Variants in ABCA6 observed in about 807,000 individuals in gnomAD.
The protein encoded by ABCA6 is ATP binding cassette subfamily A member 6.
A neutral mutation model predicts 191.2 loss-of-function variants in ABCA6; 164 were observed. The ratio of observed to expected loss-of-function variants is 0.86; its 90% CI spans 0.76 to 0.98. The LOEUF is 0.98. ABCA6 is among the 50% of genes least tolerant of loss of function. ABCA6 has a pLI of 0.00. For missense variants in ABCA6, 1,958 were observed against 1,894.1 expected (o/e 1.03, Z -0.63); for synonymous variants, 636 against 647.7 (o/e 0.98, Z 0.27).
At chr17:69,085,763 C>A in intron 30 of ABCA6, 47 bp from the exon 31 acceptor site, 1 of 1,287,416 alleles carries the variant, frequency 7.8e-7, no homozygotes, top group Non-Finnish European at 1.1e-6. Flanking sequence ...AAATACTGAA[C>A]AACATAAACC....
At chr17:69,141,394 A>G (rs1246232765) in intron 1 of ABCA6, among the ~76,000 whole-genome samples, 2 of 152,032 alleles carry the variant, frequency 1.3e-5, no homozygotes, top group Non-Finnish European at 2.9e-5. Flanking sequence ...TTAGCTTTAA[A>G]AGAAGCAAAA....
chr17:69,114,900 C>T lies in ABCA6; in HGVS notation c.1644G>A (p.Met548Ile), dbSNP rs369607657. 6.3e-5 allele frequency: 101 copies of T among 1,611,474 alleles called. 1 individual carries two copies. In the Middle Eastern group the frequency reaches 3.8e-3, roughly 61 times the overall value. ...VTIYNKNLSEMQDLEEIRKIT... is the reference protein window; with the variant it reads ...VTIYNKNLSEIQDLEEIRKIT... ...TCTTTCTGATTTCCTCCAAGTCTTG[C>T]ATTTCAGAGAGATTTTTATTATAGA... The change falls in exon 13 of 39, where the codon ATG (methionine) becomes ATA (isoleucine). Residue 548 changes from methionine (M) to isoleucine (I), a missense_variant. Physicochemically the swap from Met to Ile is conservative, Grantham distance 10 (BLOSUM62 1). Transcript: ENST00000284425.
At chr17:69,139,889 T>C (rs1418727917) in intron 2 of ABCA6, among the ~76,000 whole-genome samples, 1 of 144,814 alleles carries the variant, frequency 6.9e-6, no homozygotes, top group East Asian at 2.0e-4. Context: ...TAGATGGCAA[T>C]TGAACAATGA....
chr17:69,128,339 G>C lies in ABCA6; in HGVS notation c.1119+280C>G, dbSNP rs532540812. 1.6e-4 allele frequency among the ~76,000 whole-genome samples: 24 copies of C among 151,890 alleles called. 1 individual carries two copies. In the East Asian group the frequency reaches 4.1e-3, roughly 26 times the overall value. Reference sequence around the variant, plus strand: ...ATATTTTCATTATGTTAAATGAATAGTAATAAAAGTAAATATTTGTATATA... The same window carrying C: ...ATATTTTCATTATGTTAAATGAATACTAATAAAAGTAAATATTTGTATATA... On this transcript the variant is annotated intron_variant, in intron 8 of 38. Coordinates refer to ENST00000284425, the MANE Select transcript of ABCA6 (RefSeq NM_080284.3).
Position 69,129,699 on chromosome 17 carries a change from C to T in ABCA6, c.844G>A (p.Val282Ile), listed in dbSNP as rs4968839. The change falls in exon 7 of 39, where the codon GTT becomes ATT. Residue 282 changes from valine to isoleucine, a missense_variant. Coordinates refer to ENST00000284425, the MANE Select transcript of ABCA6 (RefSeq NM_080284.3). Reference protein sequence around the residue: ...AGFIFIISIFVTIIITFTQII... With the variant: ...AGFIFIISIFITIIITFTQII... ...TGGGTGAATGTTATGATAATTGTAA[C>T]GAATATGGAAATAATAAAGATGAAG... 1,082,506 of 1,600,192 alleles carry T rather than the reference C, an allele frequency of 0.68. 371,833 individuals carry two copies. The highest frequency in any genetic ancestry group is 0.73 in the Admixed American group (43,217 of 59,480).
In ABCA6 at chr17:69,096,225, G is replaced by A. The variant is rs772207876; in HGVS notation, c.3408+15C>T. The A allele has an allele frequency of 1.7e-5, 22 of 1,264,618 alleles. No individual in the cohort carries two copies. The highest frequency in any genetic ancestry group is 2.4e-5 in the Non-Finnish European group (22 of 920,628). The allele number at this position is 1,264,618 out of a possible 1,614,324, so 78.3% of individuals were successfully genotyped here. ...AATAACACTATTTCTCTATTTGTAT[G>A]TATTATATACTTACAAAAAAGAAGT... On this transcript the variant is annotated intron_variant, in intron 25 of 38. Coordinates refer to ENST00000284425, the MANE Select transcript of ABCA6 (RefSeq NM_080284.3).
intron 34 of ABCA6, among the ~76,000 whole-genome samples, chr17:69,083,803 C>T (rs2072700988): frequency 6.6e-6 from 1 of 151,816 alleles, no homozygotes; most frequent in Non-Finnish European, 1.5e-5. Context: ...TTTTATTATT[C>T]CAAAGGGTAA....
At position 69,134,717 on chromosome 17, in the gene ABCA6, C is replaced by T. The variant is rs766181076; in HGVS notation, c.486G>A (p.Glu162=). The T allele has an allele frequency of 1.9e-6, 3 of 1,613,642 alleles. No individual in the cohort carries two copies. The highest frequency in any genetic ancestry group is 2.5e-6 in the Non-Finnish European group (3 of 1,179,834). Residue 162 remains glutamate, a synonymous_variant, in exon 5 of 39, where the codon GAG becomes GAA. Transcript: ENST00000284425. The part of the protein sequence containing the change: ...FSAHCWDGYG[E]FSCTLTKYWN... Reference sequence around the variant, plus strand: ...AGTATTTGGTCAATGTACATGAAAACTCACCATATCCATCCCAGCAATGAG... The same window carrying T: ...AGTATTTGGTCAATGTACATGAAAATTCACCATATCCATCCCAGCAATGAG...
intron 3 of ABCA6, 35 bp from the exon 4 acceptor site, chr17:69,136,285 T>C: frequency 2.8e-6 from 4 of 1,427,690 alleles, no homozygotes; most frequent in Non-Finnish European, 3.7e-6. Context: ...ACATAGAAAA[T>C]TGTAAGAGTT....
intron 20 of ABCA6, chr17:69,105,244 G>A (rs987133599): frequency 1.9e-6 from 1 of 525,796 alleles, no homozygotes; most frequent in Non-Finnish European, 3.3e-6. Flanking sequence ...ACTCTTCCAG[G>A]TTATACAGTG....
chr17:69,107,924 C>G (rs777892878), intron 17 of ABCA6, 112 bp from the exon 18 acceptor site: 4 of 710,034 alleles, frequency 5.6e-6, no homozygotes, highest in Non-Finnish European at 9.3e-6. Context: ...AAAATTATGT[C>G]CTTGGAGTAT....
chr17:69,113,119 G>C (rs2073462432), intron 15 of ABCA6, 103 bp downstream of exon 15: 2 of 1,358,250 alleles, frequency 1.5e-6, no homozygotes, highest in South Asian at 3.1e-5. Flanking sequence ...TAGAATGTAG[G>C]AACATCACCA....
rs888522669 is a variant in ABCA6 at position 69,081,199 on chromosome 17, G to T, written c.4617-54C>A. 7 of 935,666 alleles carry T rather than the reference G, an allele frequency of 7.5e-6. No individual in the cohort carries two copies. The South Asian group carries it at 7.8e-5, about 10-fold the overall frequency. The allele number at this position is 935,666 out of a possible 1,614,324, so 58.0% of individuals were successfully genotyped here. On this transcript the variant is annotated intron_variant, in intron 36 of 38. Coordinates refer to ENST00000284425, the MANE Select transcript of ABCA6 (RefSeq NM_080284.3). ...TCTGAGTTTCAAGGGGAGAAAATGA[G>T]CATCAGAATAAATATTGATATTACC... is the stretch of plus-strand genomic sequence containing the variant.
At chr17:69,084,556 A>G (rs767697246) in intron 32 of ABCA6, 49 bp from the exon 33 acceptor site, 4 of 1,557,820 alleles carry the variant, frequency 2.6e-6, no homozygotes, top group Non-Finnish European at 3.5e-6. Flanking sequence ...GGTTTTTGGA[A>G]AATCCAAGCA....
In ABCA6 at chr17:69,133,764, A is replaced by C. The variant is rs757319881; in HGVS notation, c.668T>G (p.Phe223Cys). 6.2e-7 allele frequency: 1 copy of C among 1,612,148 alleles called. No homozygotes were observed. The highest frequency in any genetic ancestry group is 8.5e-7 in the Non-Finnish European group (1 of 1,178,456). Residue 223 changes from phenylalanine (F) to cysteine (C), a missense_variant, in exon 6 of 39, where the codon TTT becomes TGT. Physicochemically the swap from Phe to Cys is radical, Grantham distance 205. Transcript: ENST00000284425. Reference protein sequence around the residue: ...ITKNLLHNEMFILFFLLHFSP... With the variant: ...ITKNLLHNEMCILFFLLHFSP... Reference sequence around the variant, plus strand: ...GAAATGAAGCAAGAAGAATAAAATAAACATCTCATTGTGAAGAAGATTTTT... The same window carrying C: ...GAAATGAAGCAAGAAGAATAAAATACACATCTCATTGTGAAGAAGATTTTT...
At chr17:69,105,734 A>G (rs551609383) in intron 19 of ABCA6, 106 bp from the exon 20 acceptor site, 11 of 924,218 alleles carry the variant, frequency 1.2e-5, no homozygotes, top group Non-Finnish European at 1.8e-5. Flanking sequence ...TATGCCAATC[A>G]TGATTCTAGG....
At chr17:69,132,418 G>A (rs575109416) in intron 6 of ABCA6, among the ~76,000 whole-genome samples, 29 of 152,252 alleles carry the variant, frequency 1.9e-4, no homozygotes, top group African/African-American at 6.0e-4. Context: ...ATTCCTATCT[G>A]CTAATCTTAC....
Position 69,124,654 on chromosome 17 carries a change from T to G in ABCA6, c.1267+234A>C, listed in dbSNP as rs143744296. 3.9e-3 allele frequency among the ~76,000 whole-genome samples: 589 copies of G among 152,066 alleles called. 3 individuals carry two copies. The highest frequency in any genetic ancestry group is 0.013 in the African/African-American group (552 of 41,534). Reference sequence around the variant, plus strand: ...ATTACCACACAATTACAAGATGTATTATAATTATTGTTGTCATATAATTAT... The same window carrying G: ...ATTACCACACAATTACAAGATGTATGATAATTATTGTTGTCATATAATTAT... On this transcript the variant is annotated intron_variant, in intron 9 of 38. Transcript: ENST00000284425.
In ABCA6 at chr17:69,112,221, C is replaced by T. The variant is rs9282553; in HGVS notation, c.2094G>A (p.Met698Ile). Residue 698 changes from methionine to isoleucine, a missense_variant, in exon 16 of 39, where the codon ATG becomes ATA. Met to Ile is a conservative substitution (Grantham distance 10). Coordinates refer to ENST00000284425, the MANE Select transcript of ABCA6 (RefSeq NM_080284.3). ...CAAGACCCCACCTTCTTTTCAAAAA[C>T]ATAGAAGAACCTGCACACTTCAGTC... The part of the protein sequence containing the change: ...NGRLKCAGSS[M>I]FLKRRWGLGY... 171 of 1,612,158 alleles carry T rather than the reference C, an allele frequency of 1.1e-4. No homozygotes were observed. Among genetic ancestry groups the T allele is most frequent in the Non-Finnish European group, 1.4e-4 (163 of 1,179,004 alleles).
Sources: gnomAD v4.1 joint callset for allele counts (sites outside exome capture counted in the v4.1 genomes callset) on GRCh38, gnomAD v4.1.1 for gene constraint, MANE v1.5 for transcripts, NCBI Gene and HGNC (gene_info 2026-07-23, HGNC 2026-07-21) for gene names.